STXBP4: variants seen among roughly 807,000 people sequenced by gnomAD.
The protein encoded by STXBP4 is syntaxin-binding protein 4.
Under a neutral mutation model 76.1 loss-of-function variants are expected in STXBP4, and 55 were observed. The ratio of observed to expected loss-of-function variants is 0.72; its 90% CI spans 0.58 to 0.91. STXBP4 has a LOEUF of 0.91. Among genes scored for constraint, STXBP4 ranks in the 40% least tolerant of loss-of-function variants. The probability of loss-of-function intolerance (pLI) is 0.00; values close to 1 mark genes in which losing one functional copy is unlikely to be tolerated. For missense variants in STXBP4, 618 were observed against 636.9 expected (o/e 0.97, Z 0.32); for synonymous variants, 201 against 220.2 (o/e 0.91, Z 0.77).
At chr17:55,152,840 AT>A in intron 17 of STXBP4, among the ~76,000 whole-genome samples, 1 of 152,328 alleles carries the variant, frequency 6.6e-6, no homozygotes, top group Non-Finnish European at 1.5e-5. Flanking sequence ...AAATATATAT[AT>A]AATAGCTTTA....
intron 8 of STXBP4, among the ~76,000 whole-genome samples, chr17:55,011,617 C>T (rs942617502): frequency 1.4e-5 from 2 of 145,900 alleles, no homozygotes; most frequent in African/African-American, 5.1e-5. Context: ...GTTTATATCC[C>T]GATCATTGTC....
intron 16 of STXBP4, 110 bp downstream of exon 16, chr17:55,081,293 C>A (rs2079252247): frequency 9.5e-6 from 7 of 739,570 alleles, no homozygotes; most frequent in South Asian, 4.4e-5. Flanking sequence ...AAAGTTGATA[C>A]CTAATCAATA....
chr17:55,138,694 T>G lies in STXBP4; in HGVS notation c.1490-2616T>G, dbSNP rs531230267. On this transcript the variant is annotated intron_variant, in intron 16 of 17. Coordinates refer to ENST00000376352, the MANE Select transcript of STXBP4 (RefSeq NM_178509.6). ...AGATATGGTAAATGTAGGAAAATTT[T>G]AAAACAATAATGATTATTGAAAAGT... is the stretch of plus-strand genomic sequence containing the variant. Among the ~76,000 whole-genome samples, 3 of 152,284 alleles carry G rather than the reference T, an allele frequency of 2.0e-5. No homozygotes were observed. In the South Asian group the frequency reaches 6.2e-4, roughly 32 times the overall value.
At chr17:55,016,155 G>T (rs146215268) in intron 8 of STXBP4, among the ~76,000 whole-genome samples, 1 of 152,100 alleles carries the variant, frequency 6.6e-6, no homozygotes, top group Non-Finnish European at 1.5e-5. Context: ...GTCCTAGAGC[G>T]TCCTTTATGG....
At chr17:55,062,310 A>C (rs1010840653) in intron 12 of STXBP4, among the ~76,000 whole-genome samples, 1 of 151,360 alleles carries the variant, frequency 6.6e-6, no homozygotes, top group Admixed American at 6.6e-5. Flanking sequence ...TCATTGTTCA[A>C]CTCCCACTTT....
chr17:55,081,012 T>C, intron 15 of STXBP4, 38 bp from the exon 16 acceptor site: 2 of 1,386,092 alleles, frequency 1.4e-6, no homozygotes, highest in Non-Finnish European at 1.9e-6. Flanking sequence ...TGTTGTTTAT[T>C]GTGTAGTAAG....
Position 55,078,154 on chromosome 17 carries a change from CT to C in STXBP4, c.1269del (p.Phe423LeufsTer12). On this transcript the variant is annotated frameshift_variant, in exon 14 of 18. Transcript: ENST00000376352. LOFTEE classifies it high-confidence loss of function. ...QLRKSEMARK[T>X]FEASTEKLLH... ...CGAAAATCAGAAATGGCTCGAAAAA[CT>C]TTTGAGGCATCCACTGAAAAGCTTC... The C allele has an allele frequency of 6.2e-7, 1 of 1,611,812 alleles. No homozygotes were observed. The highest frequency in any genetic ancestry group is 8.5e-7 in the Non-Finnish European group (1 of 1,178,938).
intron 16 of STXBP4, among the ~76,000 whole-genome samples, chr17:55,111,649 C>T (rs1782148921): frequency 6.6e-6 from 1 of 152,178 alleles, no homozygotes; most frequent in African/African-American, 2.4e-5. Context: ...GACATACCTG[C>T]TCCTGCTTTG....
intron 8 of STXBP4, among the ~76,000 whole-genome samples, chr17:55,020,636 G>A (rs12601881): frequency 0.042 from 6,404 of 152,006 alleles, 220 homozygotes; most frequent in East Asian, 0.2. Context: ...TGGCCAACAT[G>A]GTGAAGCACT....
the STXBP4 span, among the ~76,000 whole-genome samples, chr17:55,204,784 T>C: frequency 1.3e-5 from 2 of 151,654 alleles, no homozygotes; most frequent in South Asian, 4.2e-4. Context: ...ACTGGCTGCA[T>C]TGGTATCTCT....
At chr17:55,126,069 T>G (rs1182544608) in intron 16 of STXBP4, among the ~76,000 whole-genome samples, 1 of 152,196 alleles carries the variant, frequency 6.6e-6, no homozygotes, top group Non-Finnish European at 1.5e-5. Flanking sequence ...TAGAACTTAC[T>G]GCTTGAGTCC....
chr17:54,986,442 A>G (rs1318444027), intron 3 of STXBP4, among the ~76,000 whole-genome samples, 176 bp downstream of exon 3: 1 of 152,162 alleles, frequency 6.6e-6, no homozygotes, highest in Non-Finnish European at 1.5e-5. Context: ...AGTGTATAGA[A>G]CAAAATCTGC....
At chr17:54,995,963 A>G (rs1418314590) in intron 4 of STXBP4, among the ~76,000 whole-genome samples, 1 of 152,110 alleles carries the variant, frequency 6.6e-6, no homozygotes, top group African/African-American at 2.4e-5. Flanking sequence ...TAATGAAAGA[A>G]TTGGTGATTC....
chr17:55,074,510 A>G (rs2144881251), intron 13 of STXBP4, among the ~76,000 whole-genome samples: 1 of 152,300 alleles, frequency 6.6e-6, no homozygotes, highest in East Asian at 1.9e-4. Flanking sequence ...ACAATATCAA[A>G]AGTACTATTT....
rs760931197 is a variant in STXBP4 at position 55,047,164 on chromosome 17, T to C, written c.1011+10T>C. On this transcript the variant is annotated intron_variant, in intron 12 of 17. Transcript: ENST00000376352. Reference sequence around the variant, plus strand: ...CCAGAATGTGAAACAAGTAAGTATATGTATTGTGTATATATGTGCTCGTGT... The same window carrying C: ...CCAGAATGTGAAACAAGTAAGTATACGTATTGTGTATATATGTGCTCGTGT... 1.9e-6 allele frequency: 3 copies of C among 1,554,956 alleles called. No individual in the cohort carries two copies. In the Admixed American group the frequency reaches 5.1e-5, roughly 26 times the overall value.
chr17:55,039,541 G>A (rs1312384923), intron 10 of STXBP4, among the ~76,000 whole-genome samples: 1 of 152,044 alleles, frequency 6.6e-6, no homozygotes, highest in Non-Finnish European at 1.5e-5. Context: ...GAAAGTGGTG[G>A]TAGGTAGTCT....
chr17:55,185,302 T>TCCTC, the STXBP4 span, among the ~76,000 whole-genome samples: 18 of 78,652 alleles, frequency 2.3e-4, no homozygotes, highest in Non-Finnish European at 3.7e-4. Context: ...TCCTTCTCCT[T>TCCTC]CTCCTTCTCC....
chr17:55,089,668 A>G (rs76647573), intron 16 of STXBP4, among the ~76,000 whole-genome samples: 2,472 of 152,296 alleles, frequency 0.016, 67 homozygotes, highest in African/African-American at 0.057. Context: ...GTTTTGAACT[A>G]CATGTTCAGA....
intron 16 of STXBP4, among the ~76,000 whole-genome samples, chr17:55,099,574 T>C (rs572843976): frequency 3.3e-5 from 5 of 152,342 alleles, no homozygotes; most frequent in Non-Finnish European, 7.3e-5. Context: ...AGTATTATTA[T>C]CCTATGGGAT....
Sources: allele counts gnomAD v4.1 joint callset (sites outside exome capture counted in the v4.1 genomes callset), GRCh38; gene constraint gnomAD v4.1.1; transcripts MANE v1.5; gene names NCBI Gene and HGNC (gene_info 2026-07-23, HGNC 2026-07-21).